The following ZNF280C variants were observed in gnomAD, a reference collection of about 807,000 sequenced individuals.
ZNF280C encodes the protein zinc finger protein 280C.
ZNF280C carries 14 observed loss-of-function variants against 53.6 expected under a neutral mutation model. That is an observed-to-expected ratio of 0.26 (90% CI 0.17 to 0.41). The LOEUF (loss-of-function observed/expected upper bound fraction) is 0.41, where lower values mean the gene tolerates loss of function less well. ZNF280C is among the 10% of genes least tolerant of loss of function. The pLI is 1.00. For synonymous variants in ZNF280C, 203 were observed against 181.1 expected (o/e 1.12, Z -0.97); for missense variants, 416 against 547.1 (o/e 0.76, Z 2.39).
intron 2 of ZNF280C, among the ~76,000 whole-genome samples, chrX:130,255,987 G>C (rs758512009): frequency 9.0e-6 from 1 of 111,128 alleles, no homozygotes; most frequent in African/African-American, 3.3e-5. Flanking sequence ...GAACAGCTTA[G>C]TCAGGCATGG....
At chrX:130,235,761 T>G (rs1203442795) in intron 8 of ZNF280C, among the ~76,000 whole-genome samples, 1 of 111,854 alleles carries the variant, frequency 8.9e-6, no homozygotes, top group African/African-American at 3.2e-5. Context: ...CACTCTACTT[T>G]GCACCAAACA....
Position 130,246,884 on chromosome X carries a change from T to C in ZNF280C, c.153A>G (p.Ile51Met), listed in dbSNP as rs1603244610. The C allele has an allele frequency of 2.5e-6, 3 of 1,209,201 alleles. No homozygotes were observed. Among genetic ancestry groups the C allele is most frequent in the Non-Finnish European group, 3.4e-6 (3 of 894,917 alleles). ...TTGAAATGGCTGGTTTTGAACTTGA[T>C]ATCTCTCCAACAAAGATCAGTTCAT... ...DDDELIFVGE[I>M]SSSKPAISNI... The change falls in exon 3 of 19, where the codon ATA becomes ATG. Residue 51 changes from isoleucine to methionine, a missense_variant. Around this residue, in one of 3 missense-constraint regions of ZNF280C, gnomAD observed 193 missense variants for 201.4 expected, o/e 0.96. Coordinates refer to ENST00000370978, the MANE Select transcript of ZNF280C (RefSeq NM_017666.5).
chrX:130,224,599 C>A (rs894617771), intron 12 of ZNF280C, among the ~76,000 whole-genome samples: 1 of 111,582 alleles, frequency 9.0e-6, no homozygotes, highest in Non-Finnish European at 1.9e-5. Flanking sequence ...GATTACCAGG[C>A]GCCAACTTCT....
Position 130,236,560 on chromosome X carries a change from G to C in ZNF280C, c.573C>G (p.Thr191=), listed in dbSNP as rs1480354808. Reference sequence around the variant, plus strand: ...GATTTATCTGAGGAACATCTTCACTGGTCTTTGGTTTTTTTGGAGTAACAC... The same window carrying C: ...GATTTATCTGAGGAACATCTTCACTCGTCTTTGGTTTTTTTGGAGTAACAC... The part of the protein sequence containing the change: ...VNSVTPKKPK[T]SEDVPQINPS... The change falls in exon 7 of 19, where the codon ACC becomes ACG. Residue 191 remains threonine, a synonymous_variant. Coordinates refer to ENST00000370978, the MANE Select transcript of ZNF280C (RefSeq NM_017666.5). 1.7e-6 allele frequency: 2 copies of C among 1,203,519 alleles called. No homozygotes were observed. Among genetic ancestry groups the C allele is most frequent in the Non-Finnish European group, 2.2e-6 (2 of 890,725 alleles).
At chrX:130,265,798 C>T (rs188936572) in intron 1 of ZNF280C, among the ~76,000 whole-genome samples, 20 of 112,612 alleles carry the variant, frequency 1.8e-4, no homozygotes, top group African/African-American at 6.4e-4. Context: ...CTCAACAGTA[C>T]TTTGCACTAT....
At chrX:130,210,323 T>C (rs750868582) in intron 15 of ZNF280C, among the ~76,000 whole-genome samples, 1 of 112,325 alleles carries the variant, frequency 8.9e-6, no homozygotes, top group East Asian at 2.8e-4. Flanking sequence ...TACCTCACCA[T>C]TACTAAAAAC....
intron 9 of ZNF280C, 42 bp from the exon 10 acceptor site, chrX:130,229,176 A>T (rs2032253187): frequency 7.2e-6 from 8 of 1,104,600 alleles, no homozygotes; most frequent in Non-Finnish European, 7.3e-6. Flanking sequence ...TCAGACTTAT[A>T]ACCAAAGAAA....
rs778837686 is a variant in ZNF280C, at chrX:130,225,419, T to G, written c.1395+1340A>C. 3.6e-5 allele frequency among the ~76,000 whole-genome samples: 4 copies of G among 111,237 alleles called. No individual in the cohort carries two copies. The South Asian group carries it at 1.5e-3, about 43-fold the overall frequency. Reference sequence around the variant, plus strand: ...TCAAAGGTTAAAAATGTTTGAGGACTATTACACACTATGTCCCTTGCTTAG... The same window carrying G: ...TCAAAGGTTAAAAATGTTTGAGGACGATTACACACTATGTCCCTTGCTTAG... On this transcript the variant is annotated intron_variant, in intron 12 of 18. Transcript: ENST00000370978.
At chrX:130,211,174 A>G (rs570104212) in intron 15 of ZNF280C, among the ~76,000 whole-genome samples, 1 of 112,089 alleles carries the variant, frequency 8.9e-6, no homozygotes, top group Admixed American at 9.5e-5. Flanking sequence ...CATGGTGAAT[A>G]CAACGAAAGA....
At chrX:130,234,181 T>C (rs943179247) in intron 8 of ZNF280C, among the ~76,000 whole-genome samples, 2 of 111,342 alleles carry the variant, frequency 1.8e-5, no homozygotes, top group African/African-American at 3.3e-5. Flanking sequence ...ACAAAGTGAT[T>C]TGGGAGGGTT....
chrX:130,232,886 G>A (rs2032292542), intron 8 of ZNF280C, among the ~76,000 whole-genome samples: 1 of 111,618 alleles, frequency 9.0e-6, no homozygotes, highest in Admixed American at 9.5e-5. Context: ...GTACTCCCAT[G>A]TAGGTAGACT....
At chrX:130,230,251 A>C (rs756841271) in intron 9 of ZNF280C, among the ~76,000 whole-genome samples, 23 of 111,709 alleles carry the variant, frequency 2.1e-4, no homozygotes, top group Admixed American at 3.8e-4. Context: ...TGTAGGGAAA[A>C]TAAGTAGTTT....
At chrX:130,267,875 C>A (rs1231487798) in intron 1 of ZNF280C, among the ~76,000 whole-genome samples, 6 of 111,834 alleles carry the variant, frequency 5.4e-5, no homozygotes, top group Non-Finnish European at 1.1e-4. Context: ...AATTTAAGGT[C>A]GCAGATTTAA....
At chrX:130,219,007 C>T (rs1391185234) in intron 13 of ZNF280C, among the ~76,000 whole-genome samples, 1 of 111,473 alleles carries the variant, frequency 9.0e-6, no homozygotes, top group Non-Finnish European at 1.9e-5. Context: ...GGGAAGGATG[C>T]CAGATGGTTT....
intron 2 of ZNF280C, among the ~76,000 whole-genome samples, chrX:130,254,921 A>G (rs971447985): frequency 4.5e-5 from 5 of 110,400 alleles, no homozygotes; most frequent in African/African-American, 1.6e-4. Flanking sequence ...AAAGTTAAAA[A>G]AAGAAGACAC....
At chrX:130,222,406 A>T (rs1160964626) in intron 12 of ZNF280C, among the ~76,000 whole-genome samples, 2 of 110,046 alleles carry the variant, frequency 1.8e-5, no homozygotes, top group Non-Finnish European at 3.8e-5. Context: ...CAGTACCTAA[A>T]ACAGTCCTTG....
Position 130,215,864 on chromosome X carries a change from C to T in ZNF280C, c.1765G>A (p.Ala589Thr). Residue 589 changes from alanine to threonine, a missense_variant, in exon 14 of 19, where the codon GCA becomes ACA. By Grantham distance (58) the Ala-to-Thr change is moderately conservative (BLOSUM62 0). Coordinates refer to ENST00000370978, the MANE Select transcript of ZNF280C (RefSeq NM_017666.5). Reference sequence around the variant, plus strand: ...CGCTTTTGCTTGTAAGAGGGTTTTGCTTTGGACTTAGCTATACGTCCCCTT... The same window carrying T: ...CGCTTTTGCTTGTAAGAGGGTTTTGTTTTGGACTTAGCTATACGTCCCCTT... ...KPRGRIAKSK[A>T]KPSYKQKRQR... 1 of 1,209,256 alleles carries T rather than the reference C, an allele frequency of 8.3e-7. No individual in the cohort carries two copies. The highest frequency in any genetic ancestry group is 1.1e-6 in the Non-Finnish European group (1 of 894,557).
chrX:130,217,994 T>C (rs1304064175), intron 13 of ZNF280C, among the ~76,000 whole-genome samples: 1 of 111,228 alleles, frequency 9.0e-6, no homozygotes, highest in East Asian at 2.8e-4. Context: ...AACTCATCTC[T>C]ACCAAAAATG....
intron 8 of ZNF280C, 111 bp downstream of exon 8, chrX:130,236,103 G>A (rs1172488048): frequency 2.4e-6 from 1 of 410,077 alleles, no homozygotes; most frequent in Non-Finnish European, 4.1e-6. Flanking sequence ...GCCAATACGA[G>A]GTTTCTTCTC....
Sources: gnomAD v4.1 joint callset for allele counts (sites outside exome capture counted in the v4.1 genomes callset) on GRCh38, gnomAD v4.1.1 for gene constraint, gnomAD v4.1.1 regional missense constraint, MANE v1.5 for transcripts, NCBI Gene and HGNC (gene_info 2026-07-23, HGNC 2026-07-21) for gene names.